DNAH2: variants seen among roughly 807,000 people sequenced by gnomAD.
The protein encoded by DNAH2 is dynein axonemal heavy chain 2, also known as axonemal beta dynein heavy chain 2.
DNAH2 carries 323 observed loss-of-function variants against 523.5 expected under a neutral mutation model. That is an observed-to-expected ratio of 0.62 (90% CI 0.56 to 0.68). The LOEUF (loss-of-function observed/expected upper bound fraction) is 0.68. DNAH2 is among the 30% of genes least tolerant of loss of function. The pLI, the probability that DNAH2 is intolerant of heterozygous loss-of-function variation, is 0.00. For synonymous variants in DNAH2, 2,093 were observed against 2,177.4 expected (o/e 0.96, Z 1.08); for missense variants, 4,907 against 5,701.5 (o/e 0.86, Z 4.49).
At chr17:7,776,594 T>G (rs1249109919) in intron 31 of DNAH2, among the ~76,000 whole-genome samples, 185 bp from the exon 32 acceptor site, 1 of 152,234 alleles carries the variant, frequency 6.6e-6, no homozygotes, top group East Asian at 1.9e-4. Context: ...CTTTCTGAGC[T>G]GTGGCTCTGG....
Position 7,786,523 on chromosome 17 carries a change from G to T in DNAH2, c.6349-47G>T. On this transcript the variant is annotated intron_variant, in intron 40 of 85. Coordinates refer to ENST00000572933, the MANE Select transcript of DNAH2 (RefSeq NM_020877.5). This position sits in a 1 kb window ranked among gnomAD's most constrained non-coding sequence, Gnocchi z 7.5. Reference sequence around the variant, plus strand: ...TAAGAGGGGTCTGGAAATAAAGAGGGGTTTTTGTCCATCAGCAGCTAAAAC... The same window carrying T: ...TAAGAGGGGTCTGGAAATAAAGAGGTGTTTTTGTCCATCAGCAGCTAAAAC... 6.4e-7 allele frequency: 1 copy of T among 1,560,666 alleles called. No homozygotes were observed. The highest frequency in any genetic ancestry group is 2.2e-5 in the East Asian group (1 of 44,460).
Position 7,774,780 on chromosome 17 carries a change from A to G in DNAH2, c.4523A>G (p.Glu1508Gly), listed in dbSNP as rs1443954287. Residue 1508 changes from glutamate (E) to glycine (G), a missense_variant, in exon 29 of 86, where the codon GAA becomes GGA. Glu to Gly is a moderately conservative substitution (Grantham distance 98). Coordinates refer to ENST00000572933, the MANE Select transcript of DNAH2 (RefSeq NM_020877.5). ...HHPGLLDTLI[E>G]MNTILEDIQK... The stretch of plus-strand genomic sequence containing the variant: ...CCAGGCCTCCTGGACACATTGATAG[A>G]AATGAATACAATCCTGGAAGATATT... The G allele has an allele frequency of 6.2e-7, 1 of 1,614,162 alleles. No homozygotes were observed.
chr17:7,747,324 A>G (rs2075546395), intron 12 of DNAH2, among the ~76,000 whole-genome samples: 2 of 151,986 alleles, frequency 1.3e-5, no homozygotes, highest in Non-Finnish European at 2.9e-5. Flanking sequence ...TTCATTCTGT[A>G]TGTATAGAAT....
At chr17:7,772,037 G>A (rs2076331970) in intron 28 of DNAH2, among the ~76,000 whole-genome samples, 1 of 152,130 alleles carries the variant, frequency 6.6e-6, no homozygotes, top group African/African-American at 2.4e-5. Context: ...TCTTTTAGCA[G>A]ATTAACTAGC....
Position 7,727,135 on chromosome 17 carries a change from T to C in DNAH2, c.242T>C (p.Leu81Pro). ...EPEADVKPLF[L>P]SRAALTGLAD... ...CTCCTTCTGTAGAAGCCCCTCTTCC[T>C]TTCCCGAGCTGCGCTGACAGGACTG... The change falls in exon 4 of 86, where the codon CTT becomes CCT. Residue 81 changes from leucine to proline, a missense_variant. By Grantham distance (98) the Leu-to-Pro change is moderately conservative. Around this residue, in one of 3 missense-constraint regions of DNAH2, gnomAD observed 2,806 missense variants for 3,190.8 expected, o/e 0.88. Transcript: ENST00000572933. The C allele has an allele frequency of 6.4e-7, 1 of 1,565,556 alleles. No individual in the cohort carries two copies. Among genetic ancestry groups the C allele is most frequent in the Non-Finnish European group, 8.6e-7 (1 of 1,163,024 alleles).
At chr17:7,736,050 G>T (rs2075132876) in intron 7 of DNAH2, among the ~76,000 whole-genome samples, 1 of 151,986 alleles carries the variant, frequency 6.6e-6, no homozygotes, top group African/African-American at 2.4e-5. Flanking sequence ...ACCTCGCCCG[G>T]CCTAATTTTT....
Position 7,793,200 on chromosome 17 carries a change from A to G in DNAH2, c.7564A>G (p.Ile2522Val). Residue 2522 changes from isoleucine to valine, a missense_variant, in exon 48 of 86, where the codon ATT becomes GTT. Around this residue, in one of 3 missense-constraint regions of DNAH2, gnomAD observed 250 missense variants for 371.3 expected, o/e 0.67. Coordinates refer to ENST00000572933, the MANE Select transcript of DNAH2 (RefSeq NM_020877.5). ...YDRTKQTIKY[I>V]REMFLMAAMG... ...CCGTACGAAGCAGACCATCAAGTAC[A>G]TTCGAGTAAGCCTCGCTAGAGTCTG... 6.2e-7 allele frequency: 1 copy of G among 1,613,370 alleles called. No individual in the cohort carries two copies. Among genetic ancestry groups the G allele is most frequent in the Non-Finnish European group, 8.5e-7 (1 of 1,179,400 alleles).
At chr17:7,822,323 G>T (rs1473326134) in intron 73 of DNAH2, among the ~76,000 whole-genome samples, 1 of 151,930 alleles carries the variant, frequency 6.6e-6, no homozygotes, top group Non-Finnish European at 1.5e-5. Flanking sequence ...CATGGCTGGC[G>T]CCACCTCCCA....
At chr17:7,805,516 A>G in intron 61 of DNAH2, 123 bp downstream of exon 61, 3 of 1,386,122 alleles carry the variant, frequency 2.2e-6, no homozygotes, top group Non-Finnish European at 2.9e-6. Context: ...TCAAGAGCAC[A>G]GGGCCTAGTA....
intron 16 of DNAH2, 77 bp downstream of exon 16, chr17:7,759,687 T>C: frequency 2.5e-6 from 4 of 1,599,882 alleles, no homozygotes; most frequent in Non-Finnish European, 3.4e-6. Context: ...CTAAACTTGG[T>C]CCTTGGCCTT....
intron 77 of DNAH2, among the ~76,000 whole-genome samples, chr17:7,829,489 C>A (rs541808462): frequency 6.6e-6 from 1 of 152,294 alleles, no homozygotes; most frequent in African/African-American, 2.4e-5. Flanking sequence ...TAGTCATATC[C>A]TTCCCATTTG....
chr17:7,734,856 A>G (rs2075096750), intron 7 of DNAH2, 148 bp downstream of exon 7: 1 of 718,050 alleles, frequency 1.4e-6, no homozygotes, highest in African/African-American at 1.8e-5. Flanking sequence ...CTTGCAGGAG[A>G]GTATAAAATA....
At chr17:7,820,122 A>C (rs2077813046) in intron 72 of DNAH2, among the ~76,000 whole-genome samples, 1 of 152,108 alleles carries the variant, frequency 6.6e-6, no homozygotes, top group Admixed American at 6.5e-5. Context: ...ACTGGGAGTT[A>C]TCCTTGACTC....
At chr17:7,778,597 T>C in intron 35 of DNAH2, 128 bp downstream of exon 35, 1 of 883,962 alleles carries the variant, frequency 1.1e-6, no homozygotes, top group South Asian at 2.7e-5. Context: ...AATTCTTATT[T>C]ATTTATTTAT....
At chr17:7,727,357 C>A in intron 4 of DNAH2, 65 bp downstream of exon 4, 1 of 1,556,882 alleles carries the variant, frequency 6.4e-7, no homozygotes, top group Non-Finnish European at 8.6e-7. Flanking sequence ...TCAGTTCCTT[C>A]ATCATCCTTA....
Position 7,819,035 on chromosome 17 carries a change from C to T in DNAH2, c.10787C>T (p.Thr3596Ile). Residue 3596 changes from threonine to isoleucine, a missense_variant, in exon 71 of 86, where the codon ACA becomes ATA. Transcript: ENST00000572933. ...VTEQLETSETTEINTDLAREA... is the reference protein window; with the variant it reads ...VTEQLETSETIEINTDLAREA... ...GAGCAGCTGGAGACCAGTGAGACCACAGAGATCAACACTGACTTGGCGCGG... is the reference window on the plus strand; with the variant it reads ...GAGCAGCTGGAGACCAGTGAGACCATAGAGATCAACACTGACTTGGCGCGG... 1 of 1,608,538 alleles carries T rather than the reference C, an allele frequency of 6.2e-7. No homozygotes were observed.
chr17:7,732,937 G>GA (rs2075031788), intron 4 of DNAH2, 150 bp from the exon 5 acceptor site: 1 of 703,446 alleles, frequency 1.4e-6, no homozygotes, highest in Non-Finnish European at 2.4e-6. Context: ...TCATATCCGT[G>GA]AAAAGAACAG....
intron 39 of DNAH2, among the ~76,000 whole-genome samples, chr17:7,781,370 G>A (rs1373296628): frequency 2.6e-5 from 4 of 152,122 alleles, no homozygotes; most frequent in Non-Finnish European, 4.4e-5. Flanking sequence ...CCAGCTACTC[G>A]GGAGGCTGAG....
intron 74 of DNAH2, 29 bp from the exon 75 acceptor site, chr17:7,823,805 C>G: frequency 6.2e-7 from 1 of 1,610,690 alleles, no homozygotes; most frequent in East Asian, 2.2e-5. Context: ...CTCACTCCCT[C>G]TCCCTGCAAT....
Sources: allele counts gnomAD v4.1 joint callset (sites outside exome capture counted in the v4.1 genomes callset), GRCh38; gene constraint gnomAD v4.1.1; regional missense constraint gnomAD v4.1.1; non-coding constraint Gnocchi (gnomAD v3.1); transcripts MANE v1.5; gene names NCBI Gene and HGNC (gene_info 2026-07-23, HGNC 2026-07-21).